The following CAPN9 variants were observed in gnomAD, a reference collection of about 807,000 sequenced individuals.
CAPN9 encodes the protein calpain-9.
CAPN9 carries 81 observed loss-of-function variants against 92.8 expected under a neutral mutation model. The ratio of observed to expected loss-of-function variants is 0.87; its 90% confidence interval spans 0.73 to 1.05. The LOEUF is 1.05. Ranked by LOEUF, CAPN9 falls within the 50% of genes least tolerant of loss-of-function variation. The pLI is 0.00. For missense variants in CAPN9, 848 were observed against 866.2 expected, an observed-to-expected ratio of 0.98 and a Z score of 0.26; for synonymous variants, 304 against 328.0, an observed-to-expected ratio of 0.93 and a Z score of 0.79.
chr1:230,764,809 G>A (rs1043993799), intron 4 of CAPN9, among the ~76,000 whole-genome samples: 4 of 152,164 alleles, frequency 2.6e-5, no homozygotes, highest in African/African-American at 4.8e-5. Flanking sequence ...AGGGGAGGAG[G>A]CCAGAATGAT....
intron 1 of CAPN9, among the ~76,000 whole-genome samples, chr1:230,748,398 G>A (rs1664564931): frequency 6.6e-6 from 1 of 152,210 alleles, no homozygotes; most frequent in African/African-American, 2.4e-5. Flanking sequence ...CAGCTGGGCT[G>A]GCTTCCATTC....
chr1:230,768,081 T>A (rs1054707668), intron 5 of CAPN9, among the ~76,000 whole-genome samples: 7 of 149,318 alleles, frequency 4.7e-5, no homozygotes, highest in African/African-American at 1.7e-4. Context: ...AAAATAAAAA[T>A]AAATAAATAA....
intron 1 of CAPN9, among the ~76,000 whole-genome samples, chr1:230,750,730 G>A (rs1380879769): frequency 6.6e-6 from 1 of 152,158 alleles, no homozygotes; most frequent in Non-Finnish European, 1.5e-5. Flanking sequence ...CTGTACTTGG[G>A]GAGGGTGGGC....
chr1:230,756,613 T>G (rs1368796468), intron 2 of CAPN9, among the ~76,000 whole-genome samples: 1 of 151,732 alleles, frequency 6.6e-6, no homozygotes, highest in Non-Finnish European at 1.5e-5. Flanking sequence ...TCTAAGTGGA[T>G]TTTTTTTCAA....
chr1:230,759,245 A>G (rs1225020186), intron 2 of CAPN9, among the ~76,000 whole-genome samples: 1 of 152,230 alleles, frequency 6.6e-6, no homozygotes, highest in East Asian at 1.9e-4. Flanking sequence ...CTGATGCATC[A>G]GGCAGCCATA....
intron 2 of CAPN9, among the ~76,000 whole-genome samples, chr1:230,758,856 G>A (rs1262416559): frequency 6.6e-6 from 1 of 152,236 alleles, no homozygotes; most frequent in African/African-American, 2.4e-5. Context: ...CCCACACTCA[G>A]TGTGGGCAAA....
intron 5 of CAPN9, among the ~76,000 whole-genome samples, chr1:230,768,095 A>G (rs967685091): frequency 6.3e-4 from 95 of 151,734 alleles, no homozygotes; most frequent in African/African-American, 2.2e-3. Flanking sequence ...TAAATAAAAC[A>G]CAAGTTTTAA....
intron 1 of CAPN9, among the ~76,000 whole-genome samples, chr1:230,752,403 T>C (rs1218463359): frequency 6.6e-6 from 1 of 152,248 alleles, no homozygotes; most frequent in Non-Finnish European, 1.5e-5. Context: ...CTAATTTGTG[T>C]TTACTTGGAG....
intron 16 of CAPN9, 120 bp downstream of exon 16, chr1:230,792,614 G>A (rs1373120511): frequency 3.5e-6 from 3 of 846,802 alleles, no homozygotes; most frequent in African/African-American, 3.3e-5. Flanking sequence ...TCGGACAGGG[G>A]AGAAGGGAAA....
At chr1:230,780,399 C>T (rs1307868130) in intron 10 of CAPN9, 63 bp downstream of exon 10, 1 of 1,599,404 alleles carries the variant, frequency 6.3e-7, no homozygotes, top group Non-Finnish European at 8.6e-7. Context: ...GCGGCTCCTC[C>T]TCGGTCTCAC....
chr1:230,751,633 AAG>A (rs1235655217), intron 1 of CAPN9, among the ~76,000 whole-genome samples: 5 of 89,546 alleles, frequency 5.6e-5, no homozygotes, highest in African/African-American at 2.9e-4. Context: ...GAAAGAAAGA[AAG>A]AAAGAAAGAA....
intron 18 of CAPN9, among the ~76,000 whole-genome samples, chr1:230,797,028 C>A (rs1361267125): frequency 6.6e-6 from 1 of 152,130 alleles, no homozygotes; most frequent in Admixed American, 6.5e-5. Flanking sequence ...ATAATAGGTT[C>A]CCATGCACTC....
At chr1:230,790,238 C>A in intron 14 of CAPN9, 49 bp downstream of exon 14, 1 of 1,608,302 alleles carries the variant, frequency 6.2e-7, no homozygotes, top group Non-Finnish European at 8.5e-7. Context: ...GAGGGACAAG[C>A]GACCACACTG....
At chr1:230,799,319 T>G (rs952367226) in intron 19 of CAPN9, among the ~76,000 whole-genome samples, 2 of 152,208 alleles carry the variant, frequency 1.3e-5, no homozygotes, top group African/African-American at 4.8e-5. Flanking sequence ...TGCCTCAGTT[T>G]AACCATTTAC....
rs779417250 is a variant in CAPN9, at chr1:230,769,245, T to G, written c.771T>G (p.Ser257Arg). Residue 257 changes from serine (S) to arginine (R), a missense_variant, in exon 6 of 20, where the codon AGT becomes AGG. Coordinates refer to ENST00000271971, the MANE Select transcript of CAPN9 (RefSeq NM_006615.3). ...GTCTTATTAAGGGTCATGCCTACAG[T>G]GTAACGGGAATTGACCAGGTAGGCG... ...PFGLIKGHAY[S>R]VTGIDQVSFR... is the part of the protein sequence containing the mutation. 1 of 1,613,904 alleles carries G rather than the reference T, an allele frequency of 6.2e-7. No individual in the cohort carries two copies. The highest frequency in any genetic ancestry group is 1.1e-5 in the South Asian group (1 of 91,078).
At position 230,785,024 on chromosome 1, in the gene CAPN9, A is replaced by C. The variant is rs28741099; in HGVS notation, c.1482-957A>C. On this transcript the variant is annotated intron_variant, in intron 11 of 19. Coordinates refer to ENST00000271971, the MANE Select transcript of CAPN9 (RefSeq NM_006615.3). Reference sequence around the variant, plus strand: ...GTAGGACATGGAGTCAAAGGAGATCACTTTGGAGCTTTAAGATTTAATGAC... The same window carrying C: ...GTAGGACATGGAGTCAAAGGAGATCCCTTTGGAGCTTTAAGATTTAATGAC... Among the ~76,000 whole-genome samples, 1,078 of 152,338 alleles carry C rather than the reference A, an allele frequency of 7.1e-3. 16 individuals are homozygous for C. The highest frequency in any genetic ancestry group is 0.024 in the African/African-American group (980 of 41,560).
chr1:230,780,750 T>A, intron 11 of CAPN9, 42 bp downstream of exon 11: 1 of 1,549,954 alleles, frequency 6.5e-7, no homozygotes, highest in Non-Finnish European at 8.9e-7. Flanking sequence ...CTTCTTTTAG[T>A]GGTTTATTCA....
intron 19 of CAPN9, among the ~76,000 whole-genome samples, chr1:230,799,678 C>A (rs543576673): frequency 6.6e-6 from 1 of 152,310 alleles, no homozygotes; most frequent in East Asian, 1.9e-4. Flanking sequence ...AATAACTATA[C>A]CTCCTTTGAT....
At chr1:230,747,750 A>C in intron 1 of CAPN9, 41 bp downstream of exon 1, 1 of 1,585,482 alleles carries the variant, frequency 6.3e-7, no homozygotes, top group Non-Finnish European at 8.7e-7. Flanking sequence ...GATGAGGCCG[A>C]GGTTCAGCAG....
Sources: gnomAD v4.1 joint callset for allele counts (sites outside exome capture counted in the v4.1 genomes callset) on GRCh38, gnomAD v4.1.1 for gene constraint, MANE v1.5 for transcripts, NCBI Gene and HGNC (gene_info 2026-07-23, HGNC 2026-07-21) for gene names.